HYCC2: variants seen among roughly 807,000 people sequenced by gnomAD.
HYCC2 encodes hyccin PI4KA lipid kinase complex subunit 2.
chr2:200,988,382 G>C, the HYCC2 span: 1 of 1,613,232 alleles, frequency 6.2e-7, no homozygotes, highest in African/African-American at 1.3e-5. Flanking sequence ...GTAGAATCAG[G>C]AGCATCAAAT....
the HYCC2 span, among the ~76,000 whole-genome samples, chr2:200,983,635 G>A: frequency 1.3e-5 from 2 of 151,218 alleles, no homozygotes; most frequent in African/African-American, 2.4e-5. Context: ...CTTTTATAAT[G>A]TACCTCAAAA....
the HYCC2 span, chr2:201,024,150 A>G: frequency 3.4e-6 from 2 of 588,348 alleles, no homozygotes; most frequent in Admixed American, 3.2e-5. Context: ...CATTTTAGAT[A>G]AGGTGACTTG....
At chr2:201,022,895 G>A in the HYCC2 span, 1 of 1,613,702 alleles carries the variant, frequency 6.2e-7, no homozygotes, top group African/African-American at 1.3e-5. Context: ...CCGGTGTAAA[G>A]TTGCTGCATA....
the HYCC2 span, among the ~76,000 whole-genome samples, chr2:201,017,753 T>G: frequency 6.6e-6 from 1 of 152,206 alleles, no homozygotes; most frequent in Non-Finnish European, 1.5e-5. Context: ...ATGTAAATCA[T>G]TTGTTACTTA....
At chr2:201,062,187 T>C in the HYCC2 span, among the ~76,000 whole-genome samples, 1 of 152,072 alleles carries the variant, frequency 6.6e-6, no homozygotes, top group Admixed American at 6.5e-5. Context: ...TAATAAAAGA[T>C]CAACTGGCAA....
At chr2:201,024,395 C>G in the HYCC2 span, among the ~76,000 whole-genome samples, 202 of 151,990 alleles carry the variant, frequency 1.3e-3, no homozygotes, top group Non-Finnish European at 2.5e-3. Context: ...ACCCAAAGGT[C>G]AGAGCATAAC....
At chr2:201,041,373 C>T in the HYCC2 span, among the ~76,000 whole-genome samples, 1 of 152,228 alleles carries the variant, frequency 6.6e-6, no homozygotes. Context: ...CCACAGCTTT[C>T]TATGTTCTGG....
the HYCC2 span, among the ~76,000 whole-genome samples, chr2:201,034,648 TATG>T: frequency 2.6e-5 from 4 of 152,178 alleles, no homozygotes; most frequent in African/African-American, 9.7e-5. Context: ...ATCCTGTCAT[TATG>T]ATGTTAGCTG....
chr2:200,993,843 C>T, the HYCC2 span, among the ~76,000 whole-genome samples: 1 of 151,632 alleles, frequency 6.6e-6, no homozygotes, highest in Non-Finnish European at 1.5e-5. Context: ...AAAAATTAGC[C>T]GGGCATGGTG....
chr2:201,050,766 C>T, the HYCC2 span, among the ~76,000 whole-genome samples: 1 of 151,690 alleles, frequency 6.6e-6, no homozygotes, highest in Non-Finnish European at 1.5e-5. Flanking sequence ...GAAACCCCGT[C>T]TCTACTAAAA....
At chr2:201,049,175 A>C in the HYCC2 span, among the ~76,000 whole-genome samples, 2 of 151,994 alleles carry the variant, frequency 1.3e-5, no homozygotes, top group African/African-American at 4.8e-5. Context: ...TGCAGAATTA[A>C]AAGGAGAAAA....
At chr2:201,004,635 T>G in the HYCC2 span, among the ~76,000 whole-genome samples, 1 of 152,282 alleles carries the variant, frequency 6.6e-6, no homozygotes, top group East Asian at 1.9e-4. Context: ...GATCAAATGC[T>G]CAGAGTACTG....
chr2:201,053,899 G>A, the HYCC2 span, among the ~76,000 whole-genome samples: 1 of 152,208 alleles, frequency 6.6e-6, no homozygotes, highest in Non-Finnish European at 1.5e-5. Context: ...AGGAGGCAGA[G>A]GTTGCAGTGA....
chr2:201,004,768 G>A, the HYCC2 span, among the ~76,000 whole-genome samples: 6,706 of 152,046 alleles, frequency 0.044, 323 homozygotes, highest in African/African-American at 0.12. Flanking sequence ...GTAATCCCTC[G>A]GCACTTTGGG....
At chr2:201,003,324 T>C in the HYCC2 span, among the ~76,000 whole-genome samples, 1 of 152,288 alleles carries the variant, frequency 6.6e-6, no homozygotes, top group Non-Finnish European at 1.5e-5. Flanking sequence ...ACTAGGATTA[T>C]AGGCATGAAC....
the HYCC2 span, chr2:200,978,403 T>TA: frequency 6.6e-6 from 1 of 151,310 alleles, no homozygotes; most frequent in South Asian, 2.1e-4. Context: ...TTAATGTGGG[T>TA]ATGTATACAT....
the HYCC2 span, among the ~76,000 whole-genome samples, chr2:201,047,146 C>T: frequency 6.6e-6 from 1 of 152,154 alleles, no homozygotes; most frequent in South Asian, 2.1e-4. Context: ...CCGAAAAATA[C>T]AATATGTGAA....
chr2:200,987,578 T>C, the HYCC2 span: 3 of 1,267,014 alleles, frequency 2.4e-6, no homozygotes, highest in Middle Eastern at 6.5e-4. Flanking sequence ...GCTGCTCTAT[T>C]ATTTTCTGAG....
At chr2:201,006,129 G>C in the HYCC2 span, among the ~76,000 whole-genome samples, 1 of 138,926 alleles carries the variant, frequency 7.2e-6, no homozygotes, top group African/African-American at 2.8e-5. Context: ...ATCGCGCCTG[G>C]CTTTTTTTTT....
Sources: gnomAD v4.1 joint callset for allele counts (sites outside exome capture counted in the v4.1 genomes callset) on GRCh38, gnomAD v4.1.1 for gene constraint, MANE v1.5 for transcripts, NCBI Gene and HGNC (gene_info 2026-07-23, HGNC 2026-07-21) for gene names.